The following COL11A1 variants were observed in gnomAD, a reference collection of about 807,000 sequenced individuals.
COL11A1 encodes collagen alpha-1(XI) chain.
A neutral mutation model predicts 265.2 loss-of-function variants in COL11A1; 74 were observed. The ratio of observed to expected loss-of-function variants is 0.28; its 90% CI spans 0.23 to 0.34. COL11A1 has a LOEUF of 0.34. Among genes scored for constraint, COL11A1 ranks in the 10% least tolerant of loss-of-function variants. The probability of loss-of-function intolerance (pLI) is 1.00; values close to 1 mark genes in which losing one functional copy is unlikely to be tolerated. For synonymous variants in COL11A1, 816 were observed against 727.6 expected (o/e 1.12, Z -1.96); for missense variants, 2,165 against 2,263.6 (o/e 0.96, Z 0.88).
chr1:102,913,758 A>G, intron 52 of COL11A1, 68 bp from the exon 53 acceptor site: 1 of 1,386,292 alleles, frequency 7.2e-7, no homozygotes, highest in South Asian at 1.2e-5. Context: ...ACTTATCAGG[A>G]AAAAAGTATG....
rs1665439599 is a variant in COL11A1 at position 103,004,758 on chromosome 1, T to A, written c.1846-97A>T. 3 of 1,082,560 alleles carry A rather than the reference T, an allele frequency of 2.8e-6. No individual in the cohort carries two copies. In the Admixed American group the frequency reaches 6.2e-5, roughly 22 times the overall value. 67.1% of individuals were successfully genotyped at this position (1,082,560 alleles called of 1,614,324 possible). A position where few individuals can be genotyped will look rare whatever the true frequency, so the allele number is the denominator to read the frequency against. On this transcript the variant is annotated intron_variant, in intron 18 of 66. Transcript: ENST00000370096. ...TCCAAACCAAATAAAACAGGACATT[T>A]GGCAGGGAAAATATATGCTTTATTT...
intron 49 of COL11A1, among the ~76,000 whole-genome samples, chr1:102,916,152 T>C (rs2101041898): frequency 6.6e-6 from 1 of 152,288 alleles, no homozygotes; most frequent in African/African-American, 2.4e-5. Context: ...ATTTGTTTAG[T>C]AGGAATCTAA....
At chr1:102,910,380 T>C (rs1410850556) in intron 54 of COL11A1, among the ~76,000 whole-genome samples, 5 of 152,028 alleles carry the variant, frequency 3.3e-5, no homozygotes, top group Admixed American at 2.0e-4. Context: ...TATAAATATG[T>C]ACTTTTTTGA....
At chr1:102,958,626 G>C (rs888124916) in intron 41 of COL11A1, among the ~76,000 whole-genome samples, 17 of 152,084 alleles carry the variant, frequency 1.1e-4, no homozygotes, top group African/African-American at 3.9e-4. Flanking sequence ...AATGTGTATG[G>C]TGTCTTCCTT....
At chr1:102,885,055 A>G (rs892647068) in intron 63 of COL11A1, among the ~76,000 whole-genome samples, 1 of 152,090 alleles carries the variant, frequency 6.6e-6, no homozygotes, top group Non-Finnish European at 1.5e-5. Context: ...AGAAGGCCTT[A>G]CTAGGTTTCC....
chr1:103,028,677 GTCT>G (rs1485194469), intron 5 of COL11A1, among the ~76,000 whole-genome samples: 3 of 152,066 alleles, frequency 2.0e-5, no homozygotes, highest in Non-Finnish European at 4.4e-5. Flanking sequence ...ATGTCATAAT[GTCT>G]GTTCTTACAT....
Position 103,034,697 on chromosome 1 carries a change from G to A in COL11A1, c.652-3453C>T, listed in dbSNP as rs572092137. On this transcript the variant is annotated intron_variant, in intron 4 of 66. Coordinates refer to ENST00000370096, the MANE Select transcript of COL11A1 (RefSeq NM_001854.4). ...AAGTCCAATGTCTGTGCTTCTTCAAGGACAGATCCTCTTAACTGTTTTGCT... is the reference window on the plus strand; with the variant it reads ...AAGTCCAATGTCTGTGCTTCTTCAAAGACAGATCCTCTTAACTGTTTTGCT... Among the ~76,000 whole-genome samples, 296 of 151,828 alleles carry A rather than the reference G, an allele frequency of 1.9e-3. 3 individuals carry two copies. The highest frequency in any genetic ancestry group is 6.9e-3 in the African/African-American group (287 of 41,408).
chr1:103,064,841 A>G (rs1300085289), intron 4 of COL11A1, among the ~76,000 whole-genome samples: 1 of 152,096 alleles, frequency 6.6e-6, no homozygotes, highest in Non-Finnish European at 1.5e-5. Context: ...GCAGTAAAAA[A>G]AAAAAAAATC....
At chr1:103,035,430 A>C (rs1312654924) in intron 4 of COL11A1, among the ~76,000 whole-genome samples, 1 of 152,072 alleles carries the variant, frequency 6.6e-6, no homozygotes, top group Admixed American at 6.6e-5. Flanking sequence ...CACTAATAAA[A>C]ATTGTGCTGA....
intron 5 of COL11A1, chr1:103,030,827 A>G (rs1667924494): frequency 5.3e-6 from 2 of 378,518 alleles, no homozygotes; most frequent in Non-Finnish European, 1.0e-5. Context: ...AAATATCGCT[A>G]TTACATATTA....
intron 30 of COL11A1, among the ~76,000 whole-genome samples, chr1:102,987,115 C>T (rs1207532828): frequency 1.3e-5 from 2 of 152,022 alleles, no homozygotes; most frequent in African/African-American, 4.8e-5. Flanking sequence ...GCTGATTCCA[C>T]ATGGCCGAGG....
In COL11A1 at chr1:102,887,132, GT is replaced by G. The variant is rs1044664390; in HGVS notation, c.4609-77del. 2.0e-5 allele frequency: 32 copies of G among 1,581,566 alleles called. No homozygotes were observed. The African/African-American group carries it at 4.0e-4, about 20-fold the overall frequency. On this transcript the variant is annotated intron_variant, in intron 62 of 66. Transcript: ENST00000370096. The stretch of plus-strand genomic sequence containing the variant: ...GCAGATATTAATTATTACTGGTTAT[GT>G]TTTTGTTATAAGAAATTAGAGTTGG...
At chr1:103,054,901 C>CA (rs1468747465) in intron 4 of COL11A1, among the ~76,000 whole-genome samples, 1 of 151,256 alleles carries the variant, frequency 6.6e-6, no homozygotes, top group East Asian at 1.9e-4. Flanking sequence ...AACTCTGTCT[C>CA]AAAAAAAATT....
chr1:103,031,373 C>T (rs1418463522), intron 4 of COL11A1, 129 bp from the exon 5 acceptor site: 4 of 1,147,124 alleles, frequency 3.5e-6, no homozygotes, highest in Non-Finnish European at 4.9e-6. Flanking sequence ...ACTTATATTT[C>T]AATGTTAAGA....
intron 48 of COL11A1, 58 bp from the exon 49 acceptor site, chr1:102,920,422 T>C (rs1241914692): frequency 7.1e-7 from 1 of 1,410,592 alleles, no homozygotes. Flanking sequence ...AATGCATTCG[T>C]AAACATATGT....
At chr1:102,954,479 A>G (rs1226807313) in intron 41 of COL11A1, among the ~76,000 whole-genome samples, 1 of 152,194 alleles carries the variant, frequency 6.6e-6, no homozygotes, top group South Asian at 2.1e-4. Flanking sequence ...TAGAAGCATA[A>G]ACACATAAAG....
chr1:103,021,072 TC>T (rs1456316844), intron 9 of COL11A1, among the ~76,000 whole-genome samples: 3 of 150,342 alleles, frequency 2.0e-5, no homozygotes, highest in African/African-American at 7.3e-5. Flanking sequence ...TTCGTGTTGT[TC>T]TACCTTCAGT....
intron 1 of COL11A1, among the ~76,000 whole-genome samples, chr1:103,102,602 A>G (rs1351438836): frequency 6.6e-6 from 1 of 152,006 alleles, no homozygotes; most frequent in Non-Finnish European, 1.5e-5. Flanking sequence ...CACGCCATCC[A>G]TGCTTGATTA....
intron 4 of COL11A1, among the ~76,000 whole-genome samples, chr1:103,042,621 T>C (rs1668900815): frequency 6.6e-6 from 1 of 152,084 alleles, no homozygotes; most frequent in Admixed American, 6.6e-5. Flanking sequence ...TTTACCCCCA[T>C]ACTTTCCTAG....
Sources: allele counts gnomAD v4.1 joint callset (sites outside exome capture counted in the v4.1 genomes callset), GRCh38; gene constraint gnomAD v4.1.1; transcripts MANE v1.5; gene names NCBI Gene and HGNC (gene_info 2026-07-23, HGNC 2026-07-21).